RIC1: variants seen among roughly 807,000 people sequenced by gnomAD.
RIC1 encodes guanine nucleotide exchange factor subunit RIC1.
RIC1 carries 88 observed loss-of-function variants against 169.0 expected under a neutral mutation model. That is an observed-to-expected ratio of 0.52 (90% CI 0.44 to 0.62). The LOEUF is 0.62. Among genes scored for constraint, RIC1 ranks in the 20% least tolerant of loss-of-function variants. RIC1 has a pLI of 0.00. For synonymous variants in RIC1, 790 were observed against 601.5 expected, an observed-to-expected ratio of 1.31 and a Z score of -4.59; for missense variants, 1,877 against 1,725.5, an observed-to-expected ratio of 1.09 and a Z score of -1.56.
intron 3 of RIC1, among the ~76,000 whole-genome samples, chr9:5,703,533 C>T (rs1016995004): frequency 1.3e-5 from 2 of 152,198 alleles, no homozygotes; most frequent in Admixed American, 1.3e-4. Flanking sequence ...GTCTGTGTCT[C>T]TCTGGATTTG....
intron 1 of RIC1, among the ~76,000 whole-genome samples, chr9:5,648,212 G>C (rs1818628050): frequency 5.3e-5 from 8 of 152,150 alleles, no homozygotes; most frequent in Admixed American, 5.2e-4. Context: ...TCGAGCTCCT[G>C]ACCTCAGGTG....
At chr9:5,725,552 A>C (rs141610399) in intron 6 of RIC1, among the ~76,000 whole-genome samples, 1 of 151,700 alleles carries the variant, frequency 6.6e-6, no homozygotes, top group Non-Finnish European at 1.5e-5. Flanking sequence ...TTATGTCTCT[A>C]TCTCCTTCAG....
chr9:5,758,782 A>G (rs867439506), intron 17 of RIC1, among the ~76,000 whole-genome samples: 3 of 118,594 alleles, frequency 2.5e-5, no homozygotes, highest in African/African-American at 6.8e-5. Flanking sequence ...GTCTCACTCT[A>G]TCGCCAGGCT....
rs143001842 is a variant in RIC1, at chr9:5,710,200, T to C, written c.333-3696T>C. ...AAGGCTTAGAGCTTAGAAGGACTGG[T>C]ACTACAGAATATAGGAGTGAGGCAG... On this transcript the variant is annotated intron_variant, in intron 3 of 25. Coordinates refer to ENST00000414202, the MANE Select transcript of RIC1 (RefSeq NM_020829.4). Among the ~76,000 whole-genome samples, 1,294 of 152,318 alleles carry C rather than the reference T, an allele frequency of 8.5e-3. 16 individuals carry two copies. The highest frequency in any genetic ancestry group is 0.03 in the African/African-American group (1,246 of 41,578).
chr9:5,769,986 G>A, intron 22 of RIC1, 101 bp from the exon 23 acceptor site: 1 of 1,015,110 alleles, frequency 9.9e-7, no homozygotes, highest in East Asian at 2.6e-5. Flanking sequence ...TGTTCTTATT[G>A]GGTAGGCAGG....
In RIC1 at chr9:5,772,546, T is replaced by C. The variant is rs1827292632; in HGVS notation, c.3617-18T>C. ...TTCTCCACGAAGTTGGTTGTAACTT[T>C]TGGCAATTCTTCATCAGGTGATGAA... is the stretch of plus-strand genomic sequence containing the variant. On this transcript the variant is annotated intron_variant, in intron 23 of 25. Coordinates refer to ENST00000414202, the MANE Select transcript of RIC1 (RefSeq NM_020829.4). 1.9e-6 allele frequency: 3 copies of C among 1,553,918 alleles called. No homozygotes were observed. The highest frequency in any genetic ancestry group is 1.4e-5 in the African/African-American group (1 of 72,764).
chr9:5,704,940 C>T (rs1822476297), intron 3 of RIC1, among the ~76,000 whole-genome samples: 1 of 152,136 alleles, frequency 6.6e-6, no homozygotes, highest in African/African-American at 2.4e-5. Flanking sequence ...GTTGAGTGCA[C>T]TTGGCACCTT....
chr9:5,655,168 G>C (rs1284972657), intron 1 of RIC1, among the ~76,000 whole-genome samples: 1 of 152,150 alleles, frequency 6.6e-6, no homozygotes, highest in Non-Finnish European at 1.5e-5. Context: ...CCTGATCTTA[G>C]CAGGAAAGCG....
chr9:5,673,936 A>G (rs1820279739), intron 2 of RIC1, among the ~76,000 whole-genome samples: 1 of 152,158 alleles, frequency 6.6e-6, no homozygotes, highest in Non-Finnish European at 1.5e-5. Flanking sequence ...AAACTGTATG[A>G]TAGCTTTATA....
intron 2 of RIC1, among the ~76,000 whole-genome samples, chr9:5,674,351 C>T (rs772826671): frequency 4.0e-5 from 6 of 151,698 alleles, no homozygotes; most frequent in Non-Finnish European, 8.8e-5. Context: ...TTTAAATAGC[C>T]CAAGTAAGGA....
At chr9:5,727,027 G>C (rs945316419) in intron 6 of RIC1, among the ~76,000 whole-genome samples, 1 of 152,074 alleles carries the variant, frequency 6.6e-6, no homozygotes, top group Non-Finnish European at 1.5e-5. Flanking sequence ...TGACAATTAT[G>C]TGTCTTGGAG....
intron 7 of RIC1, among the ~76,000 whole-genome samples, chr9:5,735,013 T>A (rs1215050208): frequency 2.4e-4 from 37 of 152,190 alleles, no homozygotes; most frequent in Non-Finnish European, 7.3e-5. Flanking sequence ...CCAGCTAAAT[T>A]TCTTCTATAG....
intron 8 of RIC1, among the ~76,000 whole-genome samples, chr9:5,741,873 G>A (rs757568107): frequency 2.0e-5 from 3 of 152,068 alleles, no homozygotes; most frequent in Non-Finnish European, 4.4e-5. Flanking sequence ...CATATTTTTT[G>A]TGTGTGTAGC....
rs762449314 is a variant in RIC1, at chr9:5,742,835, T to A, written c.902-34T>A. The A allele has an allele frequency of 4.6e-6, 7 of 1,532,768 alleles. No homozygotes were observed. The South Asian group carries it at 8.4e-5, about 18-fold the overall frequency. 94.9% of individuals were successfully genotyped at this position (1,532,768 alleles called of 1,614,324 possible). On this transcript the variant is annotated intron_variant, in intron 8 of 25. Transcript: ENST00000414202. ...AAAACAAGTATTTCTGAAGCAACTA[T>A]TTATTTTTAACTCTTCTCACTATTT...
At chr9:5,672,986 A>G (rs1468503991) in intron 2 of RIC1, among the ~76,000 whole-genome samples, 1 of 152,150 alleles carries the variant, frequency 6.6e-6, no homozygotes, top group Admixed American at 6.5e-5. Context: ...AAGTAACGGT[A>G]TGTTCGGATA....
At chr9:5,728,345 G>T (rs920276959) in intron 6 of RIC1, among the ~76,000 whole-genome samples, 1 of 152,256 alleles carries the variant, frequency 6.6e-6, no homozygotes, top group Non-Finnish European at 1.5e-5. Context: ...TCCAAGCCAG[G>T]CGCAGGATAT....
Position 5,774,267 on chromosome 9 carries a change from G to T in RIC1, c.*21G>T. 6.3e-7 allele frequency: 1 copy of T among 1,581,032 alleles called. No individual in the cohort carries two copies. Among genetic ancestry groups the T allele is most frequent in the Non-Finnish European group, 8.6e-7 (1 of 1,162,824 alleles). On this transcript the variant is annotated 3_prime_UTR_variant, in exon 26 of 26. Coordinates refer to ENST00000414202, the MANE Select transcript of RIC1 (RefSeq NM_020829.4). ...CCTAACAGTGAGGTTCCATCACAAA[G>T]GGGCAGTATTAATTAGCAGCAGCGT...
Position 5,762,593 on chromosome 9 carries a change from T to C in RIC1, c.2045T>C (p.Met682Thr). ...MLNLAGQLIM[M>T]QRDRSGPQIR... ...AACCTGGCAGGACAGCTCATCATGA[T>C]GCAGAGGGACAGGTCAGGCCCACAG... Residue 682 changes from methionine (M) to threonine (T), a missense_variant, in exon 18 of 26, where the codon ATG (methionine) becomes ACG (threonine). By Grantham distance (81) the Met-to-Thr change is moderately conservative (BLOSUM62 -1). Transcript: ENST00000414202. 1 of 1,614,076 alleles carries C rather than the reference T, an allele frequency of 6.2e-7. No homozygotes were observed. The highest frequency in any genetic ancestry group is 8.5e-7 in the Non-Finnish European group (1 of 1,179,940).
rs756586896 is a variant in RIC1, at chr9:5,753,618, A to C, written c.1574A>C (p.Lys525Thr). The change falls in exon 14 of 26, where the codon AAA becomes ACA. Residue 525 changes from lysine (K) to threonine (T), a missense_variant. Physicochemically the swap from Lys to Thr is moderately conservative, Grantham distance 78. Transcript: ENST00000414202. Reference protein sequence around the residue: ...GFAHYSLLTKKWKLFGNITQE... With the variant: ...GFAHYSLLTKTWKLFGNITQE... The stretch of plus-strand genomic sequence containing the variant: ...GCACATTACTCTTTACTCACCAAAA[A>C]ATGGAAACTTTTTGGAAACATTACC... 6.8e-6 allele frequency: 11 copies of C among 1,606,774 alleles called. No individual in the cohort carries two copies. In the Admixed American group the frequency reaches 1.5e-4, roughly 22 times the overall value.
Sources: gnomAD v4.1 joint callset for allele counts (sites outside exome capture counted in the v4.1 genomes callset) on GRCh38, gnomAD v4.1.1 for gene constraint, MANE v1.5 for transcripts, NCBI Gene and HGNC (gene_info 2026-07-23, HGNC 2026-07-21) for gene names.